Variants in RAB27A observed in about 807,000 individuals in gnomAD.
RAB27A encodes RAB27A, member RAS oncogene family, also known as ras-related protein Rab-27A.
A neutral mutation model predicts 20.8 loss-of-function variants in RAB27A; 17 were observed. The observed-to-expected ratio is 0.82, with a 90% CI of 0.56 to 1.23. The LOEUF is 1.23. Ranked by LOEUF, RAB27A falls within the 50% of genes most tolerant of loss-of-function variation. The pLI is 0.00. For synonymous variants in RAB27A, 85 were observed against 92.8 expected, an observed-to-expected ratio of 0.92 and a Z score of 0.48; for missense variants, 277 against 266.7, an observed-to-expected ratio of 1.04 and a Z score of -0.27.
chr15:55,237,585 G>C (rs973804078), intron 2 of RAB27A: 1 of 151,978 alleles, frequency 6.6e-6, no homozygotes, highest in Admixed American at 6.6e-5. Context: ...TCCAAAAAAC[G>C]ACAACTTGGA....
intron 4 of RAB27A, 41 bp from the exon 5 acceptor site, chr15:55,228,753 C>G: frequency 7.2e-7 from 1 of 1,387,084 alleles, no homozygotes; most frequent in Non-Finnish European, 1.0e-6. Flanking sequence ...AACCACGGCC[C>G]CACTCCTGAA....
chr15:55,213,137 T>A (rs546360392), intron 6 of RAB27A, among the ~76,000 whole-genome samples: 1 of 152,342 alleles, frequency 6.6e-6, no homozygotes, highest in Admixed American at 6.5e-5. Context: ...TTCTTAGATA[T>A]CAAAACAACA....
chr15:55,208,525 C>T (rs983189571), intron 6 of RAB27A, among the ~76,000 whole-genome samples: 12 of 152,210 alleles, frequency 7.9e-5, no homozygotes, highest in Admixed American at 7.9e-4. Context: ...CAGCTTTCTC[C>T]ACAATCTGAC....
chr15:55,298,282 T>G (rs2054958217), intron 2 of RAB27A, among the ~76,000 whole-genome samples: 1 of 151,706 alleles, frequency 6.6e-6, no homozygotes, highest in South Asian at 2.1e-4. Context: ...TCTTTTCTAC[T>G]TTCCCTAAGC....
chr15:55,205,691 T>G lies in RAB27A; in HGVS notation c.482A>C (p.Glu161Ala). ...GTTTGTCCCATTGGCAGCACTAGTT[T>G]CAAAGTAGGGGATTCTGGAAGACAG... ...LAEKYGIPYF[E>A]TSAANGTNIS... The change falls in exon 7 of 7, where the codon GAA becomes GCA. Residue 161 changes from glutamate to alanine, a missense_variant. Glu to Ala is a moderately radical substitution (Grantham distance 107). Transcript: ENST00000336787. The G allele has an allele frequency of 6.2e-7, 1 of 1,613,736 alleles. No homozygotes were observed. The highest frequency in any genetic ancestry group is 8.5e-7 in the Non-Finnish European group (1 of 1,179,680).
At chr15:55,270,589 G>A (rs1264168045) in intron 1 of RAB27A, among the ~76,000 whole-genome samples, 3 of 152,208 alleles carry the variant, frequency 2.0e-5, no homozygotes, top group Admixed American at 6.5e-5. Context: ...CACCTACCCC[G>A]TGAATCAAAA....
intron 1 of RAB27A, among the ~76,000 whole-genome samples, chr15:55,285,057 T>C (rs1898111742): frequency 6.6e-6 from 1 of 152,236 alleles, no homozygotes; most frequent in Admixed American, 6.5e-5. Context: ...TCCAGTTAAA[T>C]GTGCATTTTG....
chr15:55,241,624 A>ATATATATATATATATATATGTGTGTG (rs377301086), intron 2 of RAB27A, among the ~76,000 whole-genome samples: 72 of 117,592 alleles, frequency 6.1e-4, no homozygotes, highest in African/African-American at 2.9e-3. Flanking sequence ...ATATATATAT[A>ATATATATATATATATATATGTGTGTG]TGTGTGTATA....
intron 6 of RAB27A, among the ~76,000 whole-genome samples, chr15:55,219,268 G>A (rs1015404614): frequency 6.6e-6 from 1 of 152,018 alleles, no homozygotes; most frequent in Non-Finnish European, 1.5e-5. Flanking sequence ...GTAATTAACT[G>A]GGTGAGAAAA....
chr15:55,276,432 A>G (rs975236335), intron 1 of RAB27A, among the ~76,000 whole-genome samples: 4 of 152,186 alleles, frequency 2.6e-5, no homozygotes, highest in Non-Finnish European at 5.9e-5. Flanking sequence ...CTCTCCAAGC[A>G]TGGTGGCCAC....
At chr15:55,258,346 C>A (rs751474850) in intron 2 of RAB27A, among the ~76,000 whole-genome samples, 3 of 152,182 alleles carry the variant, frequency 2.0e-5, no homozygotes, top group Non-Finnish European at 4.4e-5. Flanking sequence ...GCAAGAGTTT[C>A]TCTAGAAAAT....
At chr15:55,224,093 T>C in intron 5 of RAB27A, 81 bp from the exon 6 acceptor site, 1 of 1,086,912 alleles carries the variant, frequency 9.2e-7, no homozygotes, top group Non-Finnish European at 1.4e-6. Context: ...CAAAAGTGCT[T>C]TGAAGACTAT....
intron 1 of RAB27A, among the ~76,000 whole-genome samples, chr15:55,272,930 C>A (rs1048707383): frequency 3.3e-5 from 5 of 152,052 alleles, no homozygotes; most frequent in Admixed American, 6.6e-5. Context: ...ATTTGGGGGA[C>A]AGTAACATAG....
At chr15:55,210,135 ATATATG>A (rs1894926293) in intron 6 of RAB27A, among the ~76,000 whole-genome samples, 1 of 123,816 alleles carries the variant, frequency 8.1e-6, no homozygotes, top group Non-Finnish European at 1.7e-5. Context: ...TATATAGTGT[ATATATG>A]TATGTGTATG....
At position 55,223,870 on chromosome 15, in the gene RAB27A, TCTCCACAA is replaced by T. The variant is rs1566905732; in HGVS notation, c.467+11_467+18del. 6.2e-7 allele frequency: 1 copy of T among 1,612,578 alleles called. No individual in the cohort carries two copies. The highest frequency in any genetic ancestry group is 1.1e-5 in the South Asian group (1 of 91,062). On this transcript the variant is annotated intron_variant, in intron 6 of 6. Transcript: ENST00000336787. ...ATATTGAAAATGTTTTCTCTAGACT[TCTCCACAA>T]AAATACTCACCCATATTTCTCTGCG...
chr15:55,298,397 C>T (rs1392725576), intron 2 of RAB27A, among the ~76,000 whole-genome samples: 1 of 152,024 alleles, frequency 6.6e-6, no homozygotes. Context: ...TGATGCCCCA[C>T]GAGCTGCAAA....
chr15:55,224,029 G>A lies in RAB27A; in HGVS notation c.344-17C>T, dbSNP rs1422880460. 2 of 1,526,334 alleles carry A rather than the reference G, an allele frequency of 1.3e-6. No individual in the cohort carries two copies. Among genetic ancestry groups the A allele is most frequent in the African/African-American group, 1.4e-5 (1 of 72,814 alleles). 94.5% of individuals were successfully genotyped at this position (1,526,334 alleles called of 1,614,324 possible). A position where few individuals can be genotyped will look rare whatever the true frequency, so the allele number is the denominator to read the frequency against. On this transcript the variant is annotated splice_polypyrimidine_tract_variant and intron_variant, in intron 5 of 6. Transcript: ENST00000336787. ...GTAGCTGGCCTATTAATATAAGAAA[G>A]TTTATTATATATGTAAATAATAATG...
At chr15:55,280,128 C>G (rs1405367025) in intron 1 of RAB27A, among the ~76,000 whole-genome samples, 2 of 152,168 alleles carry the variant, frequency 1.3e-5, no homozygotes, top group African/African-American at 4.8e-5. Flanking sequence ...TGACACTAGA[C>G]TGGTTAGTTT....
intron 2 of RAB27A, among the ~76,000 whole-genome samples, chr15:55,250,431 T>C (rs1896847181): frequency 6.6e-6 from 1 of 152,250 alleles, no homozygotes; most frequent in Non-Finnish European, 1.5e-5. Flanking sequence ...AATTATTAGT[T>C]GAGAAGACTG....
Sources: gnomAD v4.1 joint callset for allele counts (sites outside exome capture counted in the v4.1 genomes callset) on GRCh38, gnomAD v4.1.1 for gene constraint, MANE v1.5 for transcripts, NCBI Gene and HGNC (gene_info 2026-07-23, HGNC 2026-07-21) for gene names.